Variants in TRMT11 observed in about 807,000 individuals in gnomAD.
The protein encoded by TRMT11 is tRNA (guanine(10)-N(2))-methyltransferase TRMT11.
In TRMT11, 53 loss-of-function variants were observed where a neutral mutation model predicts 62.8. That is an observed-to-expected ratio of 0.84 (90% CI 0.68 to 1.06). The LOEUF is 1.06. TRMT11 is among the 50% of genes least tolerant of loss of function. TRMT11 has a pLI of 0.00. For synonymous variants in TRMT11, 188 were observed against 190.3 expected, an observed-to-expected ratio of 0.99 and a Z score of 0.10; for missense variants, 556 against 553.4, an observed-to-expected ratio of 1.00 and a Z score of -0.05.
Position 126,071,671 on chromosome 6 carries a change from T to C in TRMT11, c.*1437+18481T>C, listed in dbSNP as rs192243760. On this transcript the variant is annotated intron_variant and NMD_transcript_variant, in intron 17 of 22. Transcript: ENST00000648977. ...TTTGCTTTGCTTTTTTTTTTTTTTTTCTCTCAGGAGCTAAAGTGAACTCTT... is the reference window on the plus strand; with the variant it reads ...TTTGCTTTGCTTTTTTTTTTTTTTTCCTCTCAGGAGCTAAAGTGAACTCTT... Among the ~76,000 whole-genome samples the C allele has an allele frequency of 4.9e-3, 741 of 151,648 alleles. 10 individuals are homozygous for C. Among genetic ancestry groups the C allele is most frequent in the African/African-American group, 0.017 (710 of 41,374 alleles).
chr6:126,090,999 TC>T (rs1355384620), intron 17 of TRMT11, among the ~76,000 whole-genome samples: 2 of 152,088 alleles, frequency 1.3e-5, no homozygotes, highest in Non-Finnish European at 2.9e-5. Context: ...TAACTTGAGG[TC>T]AGGCGTTCGA....
intron 17 of TRMT11, among the ~76,000 whole-genome samples, chr6:126,092,524 G>T (rs745959091): frequency 6.6e-6 from 1 of 152,146 alleles, no homozygotes; most frequent in African/African-American, 2.4e-5. Flanking sequence ...CCCACAACAC[G>T]TGGGAATTAT....
chr6:126,267,765 A>G, the TRMT11 span, among the ~76,000 whole-genome samples: 1 of 152,172 alleles, frequency 6.6e-6, no homozygotes, highest in Non-Finnish European at 1.5e-5. Flanking sequence ...GTGCTTTGCT[A>G]TAAATCTGAA....
the TRMT11 span, among the ~76,000 whole-genome samples, chr6:126,231,251 G>A: frequency 4.6e-5 from 7 of 152,226 alleles, no homozygotes; most frequent in South Asian, 1.5e-3. Context: ...AAAACAAAAT[G>A]TCAGAATACA....
chr6:126,168,181 A>G (rs9388473), intron 21 of TRMT11, among the ~76,000 whole-genome samples: 31,633 of 151,952 alleles, frequency 0.21, 3,412 homozygotes, highest in Middle Eastern at 0.27. Flanking sequence ...GAAGCTGTGG[A>G]ACTCCTTCTC....
chr6:126,132,283 A>G (rs1486482154), intron 21 of TRMT11, among the ~76,000 whole-genome samples: 1 of 152,084 alleles, frequency 6.6e-6, no homozygotes, highest in Admixed American at 6.6e-5. Context: ...CACAGGTTCA[A>G]GGACCTGTCA....
chr6:126,133,140 T>G (rs533477172), intron 21 of TRMT11, among the ~76,000 whole-genome samples: 79 of 152,138 alleles, frequency 5.2e-4, no homozygotes, highest in African/African-American at 1.6e-3. Flanking sequence ...GGATGAAAAT[T>G]GAGAATGTAC....
chr6:126,011,558 G>A, intron 9 of TRMT11, 141 bp downstream of exon 9: 1 of 684,850 alleles, frequency 1.5e-6, no homozygotes, highest in Middle Eastern at 4.1e-4. Context: ...TCTTCATCTT[G>A]TAAGGAGAAA....
Position 126,103,562 on chromosome 6 carries a change from A to T in TRMT11, c.*1438-9304A>T, listed in dbSNP as rs112957000. ...TTCTCATCTGGAGGCTCAAGTGGAGATGGTTCTGCTTCCAAACTCACTTAG... is the reference window on the plus strand; with the variant it reads ...TTCTCATCTGGAGGCTCAAGTGGAGTTGGTTCTGCTTCCAAACTCACTTAG... On this transcript the variant is annotated intron_variant and NMD_transcript_variant, in intron 17 of 22. Transcript: ENST00000648977. 7.3e-3 allele frequency among the ~76,000 whole-genome samples: 1,105 copies of T among 152,222 alleles called. 18 individuals are homozygous for T. Among genetic ancestry groups the T allele is most frequent in the African/African-American group, 0.026 (1,068 of 41,526 alleles).
At chr6:126,079,735 G>GA (rs919897540) in intron 17 of TRMT11, among the ~76,000 whole-genome samples, 27 of 147,590 alleles carry the variant, frequency 1.8e-4, no homozygotes, top group South Asian at 4.3e-4. Context: ...AAAATGGAAA[G>GA]AAAAAAAAAA....
chr6:126,137,580 GAT>G (rs970704139), intron 21 of TRMT11, among the ~76,000 whole-genome samples: 5 of 151,706 alleles, frequency 3.3e-5, no homozygotes, highest in African/African-American at 1.2e-4. Context: ...GAAAAACAAA[GAT>G]AGTACTACTA....
intron 21 of TRMT11, among the ~76,000 whole-genome samples, chr6:126,149,016 G>C (rs1297141462): frequency 2.6e-5 from 4 of 152,220 alleles, no homozygotes; most frequent in African/African-American, 9.7e-5. Context: ...GTGTGGCTGT[G>C]ATTTACAAAC....
intron 3 of TRMT11, among the ~76,000 whole-genome samples, chr6:125,997,397 TTTG>T (rs1791692200): frequency 6.6e-6 from 1 of 152,272 alleles, no homozygotes; most frequent in African/African-American, 2.4e-5. Flanking sequence ...CATGAAATAT[TTTG>T]AGCATGCGAC....
intron 17 of TRMT11, among the ~76,000 whole-genome samples, chr6:126,103,648 C>T (rs1406351936): frequency 1.3e-5 from 2 of 152,186 alleles, no homozygotes; most frequent in East Asian, 3.8e-4. Flanking sequence ...TTCTTGCTAG[C>T]TATCAGATTA....
chr6:126,093,613 A>ATT (rs1461240855), intron 17 of TRMT11, among the ~76,000 whole-genome samples: 1 of 88,042 alleles, frequency 1.1e-5, no homozygotes, highest in African/African-American at 7.9e-5. Flanking sequence ...ATATATATAT[A>ATT]TATATATATA....
chr6:126,106,827 G>T (rs1777470049), intron 17 of TRMT11, among the ~76,000 whole-genome samples: 1 of 151,494 alleles, frequency 6.6e-6, no homozygotes, highest in Non-Finnish European at 1.5e-5. Context: ...TTATTATTAG[G>T]AGTATTGGTG....
chr6:126,025,536 G>A (rs1472319897), intron 12 of TRMT11, among the ~76,000 whole-genome samples: 3 of 152,116 alleles, frequency 2.0e-5, no homozygotes, highest in South Asian at 2.1e-4. Context: ...GATGTTTACT[G>A]TAACCAAAAA....
rs79484608 is a variant in TRMT11, at chr6:126,036,554, C to T, written c.1261-2151C>T. Among the ~76,000 whole-genome samples, 255 of 152,080 alleles carry T rather than the reference C, an allele frequency of 1.7e-3. 2 individuals carry two copies. The highest frequency in any genetic ancestry group is 5.9e-3 in the African/African-American group (243 of 41,508). On this transcript the variant is annotated intron_variant, in intron 12 of 12. Coordinates refer to ENST00000334379, the MANE Select transcript of TRMT11 (RefSeq NM_001031712.3). Reference sequence around the variant, plus strand: ...ACCAAATCTGAGAAGAGGGATTTGACGCAGGTTTCTGATTTTGATGACTGG... The same window carrying T: ...ACCAAATCTGAGAAGAGGGATTTGATGCAGGTTTCTGATTTTGATGACTGG...
the TRMT11 span, among the ~76,000 whole-genome samples, chr6:126,271,485 TTA>T: frequency 3.0e-3 from 433 of 146,574 alleles, no homozygotes; most frequent in African/African-American, 6.5e-3. Flanking sequence ...CCCAAATGGT[TTA>T]TATATATATA....
Sources: gnomAD v4.1 joint callset for allele counts (sites outside exome capture counted in the v4.1 genomes callset) on GRCh38, gnomAD v4.1.1 for gene constraint, MANE v1.5 for transcripts, NCBI Gene and HGNC (gene_info 2026-07-23, HGNC 2026-07-21) for gene names.